CACNA2D4: variants seen among roughly 807,000 people sequenced by gnomAD.
CACNA2D4 encodes the protein voltage-dependent calcium channel subunit alpha-2/delta-4.
A neutral mutation model predicts 163.8 loss-of-function variants in CACNA2D4; 157 were observed. The ratio of observed to expected loss-of-function variants is 0.96; its 90% CI spans 0.84 to 1.09. The LOEUF is 1.09. Ranked by LOEUF, CACNA2D4 falls within the 50% of genes least tolerant of loss-of-function variation. CACNA2D4 has a pLI of 0.00. For synonymous variants in CACNA2D4, 598 were observed against 586.9 expected (o/e 1.02, Z -0.27); for missense variants, 1,410 against 1,479.9 (o/e 0.95, Z 0.78).
intron 26 of CACNA2D4, 153 bp from the exon 27 acceptor site, chr12:1,811,876 G>A (rs893853208): frequency 1.5e-6 from 1 of 660,606 alleles, no homozygotes; most frequent in Non-Finnish European, 2.6e-6. Flanking sequence ...GTGCAAACTG[G>A]GGTTTCTGGG....
chr12:1,891,677 A>G (rs1405455696), intron 6 of CACNA2D4, among the ~76,000 whole-genome samples: 1 of 152,060 alleles, frequency 6.6e-6, no homozygotes, highest in Non-Finnish European at 1.5e-5. Context: ...AGCAATGCAA[A>G]GAAATAAAAA....
At chr12:1,835,637 C>T (rs1157942556) in intron 26 of CACNA2D4, 1 of 152,688 alleles carries the variant, frequency 6.5e-6, no homozygotes. Flanking sequence ...AGTGGTGCCC[C>T]TGGAGGAGCC....
intron 31 of CACNA2D4, chr12:1,800,700 G>C: frequency 1.7e-6 from 1 of 594,940 alleles, no homozygotes; most frequent in Non-Finnish European, 3.0e-6. Flanking sequence ...CAGGAGACGA[G>C]TCAAGCCCTC....
intron 6 of CACNA2D4, among the ~76,000 whole-genome samples, chr12:1,901,371 A>G (rs931460143): frequency 6.6e-6 from 1 of 152,084 alleles, no homozygotes; most frequent in African/African-American, 2.4e-5. Context: ...TGAAATTGAA[A>G]TGATAAAAAA....
Position 1,820,863 on chromosome 12 carries a change from G to C in CACNA2D4, c.2552-9140C>G, listed in dbSNP as rs1054499516. The C allele has an allele frequency of 6.6e-6, 1 of 152,322 alleles. No individual in the cohort carries two copies. The highest frequency in any genetic ancestry group is 3.2e-3 in the Middle Eastern group (1 of 316). 9.4% of individuals were successfully genotyped at this position (152,322 alleles called of 1,614,324 possible). A position where few individuals can be genotyped will look rare whatever the true frequency, so the allele number is the denominator to read the frequency against. ...AAGGAATGGAGGGTTGGTGGGGACA[G>C]GGGGTGGTCGGGGCATGGGAAGTGG... On this transcript the variant is annotated intron_variant, in intron 26 of 37. Coordinates refer to ENST00000382722, the MANE Select transcript of CACNA2D4 (RefSeq NM_172364.5). The surrounding 1 kb of genome is among the most constrained non-coding windows in gnomAD (Gnocchi z 6.0).
At chr12:1,899,079 A>G (rs1049225620) in intron 6 of CACNA2D4, among the ~76,000 whole-genome samples, 22 of 152,172 alleles carry the variant, frequency 1.4e-4, no homozygotes, top group Admixed American at 5.9e-4. Flanking sequence ...TGGTTAAGAT[A>G]GTAAATGTTT....
At chr12:1,839,951 C>T (rs561797013) in intron 26 of CACNA2D4, among the ~76,000 whole-genome samples, 1 of 152,288 alleles carries the variant, frequency 6.6e-6, no homozygotes, top group African/African-American at 2.4e-5. Context: ...CTATGGTCCT[C>T]ATTTATAAAA....
intron 26 of CACNA2D4, among the ~76,000 whole-genome samples, chr12:1,821,683 C>T (rs149810071): frequency 0.012 from 1,758 of 152,224 alleles, 99 homozygotes; most frequent in Admixed American, 0.096. Context: ...GCATGGACAC[C>T]CTGAGTAGAG....
At chr12:1,893,821 A>G (rs1212109975) in intron 6 of CACNA2D4, among the ~76,000 whole-genome samples, 1 of 152,150 alleles carries the variant, frequency 6.6e-6, no homozygotes, top group African/African-American at 2.4e-5. Context: ...AAGATTTCTA[A>G]CAATCTAATA....
rs945855177 is a variant in CACNA2D4, at chr12:1,828,239, G to C, written c.2551+12500C>G. 4 of 1,527,724 alleles carry C rather than the reference G, an allele frequency of 2.6e-6. No homozygotes were observed. In the East Asian group the frequency reaches 7.6e-5, roughly 29 times the overall value. The allele number at this position is 1,527,724 out of a possible 1,614,324, so 94.6% of individuals were successfully genotyped here. Reference sequence around the variant, plus strand: ...CTGTGAGTACACCCCTGGCCTCGGAGGGGGGTGCGGGTTGGGTGGGGGTGC... The same window carrying C: ...CTGTGAGTACACCCCTGGCCTCGGACGGGGGTGCGGGTTGGGTGGGGGTGC... On this transcript the variant is annotated intron_variant, in intron 26 of 37. Transcript: ENST00000382722. The surrounding 1 kb of genome is among the most constrained non-coding windows in gnomAD (Gnocchi z 4.2).
At chr12:1,876,639 C>T (rs1298579337) in intron 16 of CACNA2D4, among the ~76,000 whole-genome samples, 3 of 152,184 alleles carry the variant, frequency 2.0e-5, no homozygotes, top group Non-Finnish European at 4.4e-5. Flanking sequence ...GGGGAAGTGT[C>T]GTGCTGATTT....
rs377331800 is a variant in CACNA2D4 at position 1,907,587 on chromosome 12, A to G, written c.650-16T>C. 4.4e-6 allele frequency: 7 copies of G among 1,607,812 alleles called. No homozygotes were observed. In the South Asian group the frequency reaches 4.4e-5, roughly 10 times the overall value. On this transcript the variant is annotated splice_polypyrimidine_tract_variant and intron_variant, in intron 5 of 37. Transcript: ENST00000382722. ...ATATCTGGGTCTGAAGGGTGAGACT[A>G]TAGATTATGATCCTGTAGAACTTCT... is the stretch of plus-strand genomic sequence containing the variant.
chr12:1,852,494 A>AC (rs1267755886), intron 23 of CACNA2D4, among the ~76,000 whole-genome samples: 7 of 151,962 alleles, frequency 4.6e-5, no homozygotes, highest in Non-Finnish European at 8.8e-5. Flanking sequence ...ACATAGAGAG[A>AC]CCCCCATCTC....
chr12:1,840,133 C>T (rs1394300874), intron 26 of CACNA2D4, among the ~76,000 whole-genome samples: 1 of 152,182 alleles, frequency 6.6e-6, no homozygotes, highest in African/African-American at 2.4e-5. Context: ...GTGTTTCTAA[C>T]AGAGGCCCAC....
At chr12:1,795,220 G>T in intron 37 of CACNA2D4, 79 bp downstream of exon 37, 2 of 1,335,414 alleles carry the variant, frequency 1.5e-6, no homozygotes, top group Non-Finnish European at 2.1e-6. Flanking sequence ...ATATGCTCCT[G>T]TCTGCAGGGG....
At position 1,806,005 on chromosome 12, in the gene CACNA2D4, GC is replaced by G. The variant is rs1863525047; in HGVS notation, c.2721+4272del. On this transcript the variant is annotated intron_variant, in intron 29 of 37. Coordinates refer to ENST00000382722, the MANE Select transcript of CACNA2D4 (RefSeq NM_172364.5). The surrounding 1 kb of genome is among the most constrained non-coding windows in gnomAD (Gnocchi z 4.1). The stretch of plus-strand genomic sequence containing the variant: ...GAGGGATGCCCTGCTCTGAGGGCCT[GC>G]CTGGTCCGGCTCACTGGGCTGGGGT... Among the ~76,000 whole-genome samples, 2 of 152,198 alleles carry G rather than the reference GC, an allele frequency of 1.3e-5. No homozygotes were observed. The highest frequency in any genetic ancestry group is 6.5e-5 in the Admixed American group (1 of 15,284).
intron 37 of CACNA2D4, chr12:1,794,968 C>T: frequency 2.1e-6 from 1 of 473,642 alleles, no homozygotes; most frequent in Non-Finnish European, 3.7e-6. Context: ...TACAAAGATA[C>T]CTCTATCATT....
At chr12:1,904,044 A>G (rs1361510109) in intron 6 of CACNA2D4, among the ~76,000 whole-genome samples, 1 of 152,094 alleles carries the variant, frequency 6.6e-6, no homozygotes, top group African/African-American at 2.4e-5. Context: ...ATTCAGCCAT[A>G]AAGAGAATCA....
At chr12:1,911,021 A>ATTTTT (rs374264665) in intron 3 of CACNA2D4, among the ~76,000 whole-genome samples, 5 of 133,462 alleles carry the variant, frequency 3.7e-5, no homozygotes, top group Non-Finnish European at 1.6e-5. Context: ...CCGCAATACA[A>ATTTTT]TTTTTTTTTT....
Sources: allele counts gnomAD v4.1 joint callset (sites outside exome capture counted in the v4.1 genomes callset), GRCh38; gene constraint gnomAD v4.1.1; non-coding constraint Gnocchi (gnomAD v3.1); transcripts MANE v1.5; gene names NCBI Gene and HGNC (gene_info 2026-07-23, HGNC 2026-07-21).